The following ACOT11 variants were observed in gnomAD, a reference collection of about 807,000 sequenced individuals.
ACOT11 encodes the protein acyl-coenzyme A thioesterase 11.
Under a neutral mutation model 77.5 loss-of-function variants are expected in ACOT11, and 69 were observed. That is an observed-to-expected ratio of 0.89 (90% CI 0.73 to 1.09). The LOEUF (loss-of-function observed/expected upper bound fraction) is 1.09. Ranked by LOEUF, ACOT11 falls within the 50% of genes least tolerant of loss-of-function variation. The pLI is 0.00. For missense variants in ACOT11, 766 were observed against 813.7 expected, an observed-to-expected ratio of 0.94 and a Z score of 0.71; for synonymous variants, 279 against 313.0, an observed-to-expected ratio of 0.89 and a Z score of 1.15.
At chr1:54,575,079 G>A (rs1654060545) in intron 1 of ACOT11, among the ~76,000 whole-genome samples, 1 of 152,026 alleles carries the variant, frequency 6.6e-6, no homozygotes, top group South Asian at 2.1e-4. Context: ...GAGCCCCCTG[G>A]GGCTCAGTTT....
Position 54,594,051 on chromosome 1 carries a change from C to T in ACOT11, c.471+12C>T, listed in dbSNP as rs184760562. On this transcript the variant is annotated intron_variant, in intron 5 of 15. Transcript: ENST00000343744. ...GAGAGATCACCAAGGTAACTGGGTGCGCCTGGCTGCTGGAACGCTGCTCAG... is the reference window on the plus strand; with the variant it reads ...GAGAGATCACCAAGGTAACTGGGTGTGCCTGGCTGCTGGAACGCTGCTCAG... The T allele has an allele frequency of 2.4e-5, 39 of 1,608,752 alleles. No individual in the cohort carries two copies. Among genetic ancestry groups the T allele is most frequent in the African/African-American group, 6.7e-5 (5 of 74,878 alleles).
At position 54,609,249 on chromosome 1, in the gene ACOT11, G is replaced by GAGGTCCGCTGA. The variant is rs1557667502; in HGVS notation, c.*137_*138insAGGTCCGCTGA. 2.5e-6 allele frequency: 4 copies of GAGGTCCGCTGA among 1,593,726 alleles called. No individual in the cohort carries two copies. In the East Asian group the frequency reaches 9.0e-5, roughly 36 times the overall value. ...GAAGCCTCCGCCCTGAGGTCCGCTG[G>GAGGTCCGCTGA]CCCACCACCCCTGGGTGCTCAGTTT... is the stretch of plus-strand genomic sequence containing the variant. On this transcript the variant is annotated 3_prime_UTR_variant, in exon 16 of 16. Transcript: ENST00000343744.
At chr1:54,571,491 T>C (rs116075452) in intron 1 of ACOT11, among the ~76,000 whole-genome samples, 2,010 of 152,294 alleles carry the variant, frequency 0.013, 33 homozygotes, top group East Asian at 0.038. Flanking sequence ...TGAGCTCAGC[T>C]GCCTCTGCCA....
intron 4 of ACOT11, among the ~76,000 whole-genome samples, chr1:54,592,887 G>A (rs1169133591): frequency 6.6e-6 from 1 of 152,214 alleles, no homozygotes; most frequent in Non-Finnish European, 1.5e-5. Flanking sequence ...CCAGGCCCCT[G>A]AGTCTCACAT....
chr1:54,554,351 A>ATTTTTTTTT (rs35047110), intron 1 of ACOT11, among the ~76,000 whole-genome samples: 1 of 97,258 alleles, frequency 1.0e-5, no homozygotes, highest in African/African-American at 4.3e-5. Flanking sequence ...ATATATATAT[A>ATTTTTTTTT]TTTTTTTTTT....
Position 54,607,999 on chromosome 1 carries a change from A to G in ACOT11, c.1560A>G (p.Pro520=), listed in dbSNP as rs1644050082. ...CGCTGCCCACACACCGAGAGACGCC[A>G]GAGTACAGACGCGGAGAGACCCTCT... is the stretch of plus-strand genomic sequence containing the variant. ...SVTLPTHRET[P]EYRRGETLCS... The change falls in exon 15 of 16, where the codon CCA becomes CCG. Residue 520 remains proline, a synonymous_variant. Transcript: ENST00000343744. This position sits in a 1 kb window ranked among gnomAD's most constrained non-coding sequence, Gnocchi z 4.5. The G allele has an allele frequency of 6.2e-7, 1 of 1,613,340 alleles. No individual in the cohort carries two copies. The highest frequency in any genetic ancestry group is 1.3e-5 in the African/African-American group (1 of 74,674).
At chr1:54,567,209 A>G (rs1486472927) in intron 1 of ACOT11, among the ~76,000 whole-genome samples, 1 of 151,588 alleles carries the variant, frequency 6.6e-6, no homozygotes, top group Non-Finnish European at 1.5e-5. Flanking sequence ...CTCAGTAACC[A>G]GTACCACCAT....
intron 1 of ACOT11, among the ~76,000 whole-genome samples, chr1:54,572,435 C>T (rs1423889789): frequency 2.6e-5 from 4 of 152,116 alleles, no homozygotes; most frequent in African/African-American, 9.7e-5. Flanking sequence ...GGGCAGGGGT[C>T]TGAGGAGGGG....
rs1172793 is a variant in ACOT11, at chr1:54,584,293, C to G, written c.34-362C>G. Among the ~76,000 whole-genome samples the G allele has an allele frequency of 0.56, 47,796 of 85,774 alleles. 11,139 individuals carry two copies. Among genetic ancestry groups the G allele is most frequent in the African/African-American group, 0.72 (26,251 of 36,630 alleles). 56.3% of individuals were successfully genotyped at this position (85,774 alleles called of 152,430 possible). A position where few individuals can be genotyped will look rare whatever the true frequency, so the allele number is the denominator to read the frequency against. On this transcript the variant is annotated intron_variant, in intron 1 of 15. Coordinates refer to ENST00000343744, the MANE Select transcript of ACOT11 (RefSeq NM_147161.4). The surrounding 1 kb of genome is among the most constrained non-coding windows in gnomAD (Gnocchi z 6.3). ...CTCTAGGCCTCCCTGCATAGAGAGG[C>G]GACTCTTTCCAGAATGAACGTAAAT...
At position 54,609,882 on chromosome 1, in the gene ACOT11, C is replaced by T. The variant is rs772873187; in HGVS notation, c.*770C>T. 1.4e-5 allele frequency: 22 copies of T among 1,613,070 alleles called. No individual in the cohort carries two copies. The highest frequency in any genetic ancestry group is 8.0e-5 in the African/African-American group (6 of 74,930). Reference sequence around the variant, plus strand: ...CCACTTGGAGTATGAACAATGGGCACGGGGTTTTCAGCCACAGTTCCCTCG... The same window carrying T: ...CCACTTGGAGTATGAACAATGGGCATGGGGTTTTCAGCCACAGTTCCCTCG... On this transcript the variant is annotated 3_prime_UTR_variant, in exon 16 of 16. Coordinates refer to ENST00000343744, the MANE Select transcript of ACOT11 (RefSeq NM_147161.4).
downstream of ACOT11, chr1:54,610,643 A>G (rs1288809294): frequency 2.0e-6 from 3 of 1,537,750 alleles, no homozygotes; most frequent in Non-Finnish European, 1.8e-6. Flanking sequence ...CCACAGCTCT[A>G]CGGGCATCCT....
At chr1:54,620,129 C>T (rs1644215542) in intron 15 of ACOT11, 8 of 1,054,542 alleles carry the variant, frequency 7.6e-6, no homozygotes, top group Admixed American at 2.5e-5. Flanking sequence ...GGCAGAGGGA[C>T]GGTGAGGCTC....
chr1:54,586,054 T>C, intron 3 of ACOT11, 150 bp downstream of exon 3: 1 of 542,550 alleles, frequency 1.8e-6, no homozygotes, highest in Non-Finnish European at 2.9e-6. Flanking sequence ...TCTGGGGAAG[T>C]GTGAACCCCT....
chr1:54,573,542 G>A (rs1247903004), intron 1 of ACOT11, among the ~76,000 whole-genome samples: 1 of 152,152 alleles, frequency 6.6e-6, no homozygotes, highest in Non-Finnish European at 1.5e-5. Context: ...AGATCACCCT[G>A]GCCAACATGG....
intron 1 of ACOT11, among the ~76,000 whole-genome samples, chr1:54,578,816 TA>T (rs1283685945): frequency 6.6e-6 from 1 of 150,776 alleles, no homozygotes; most frequent in South Asian, 2.1e-4. Flanking sequence ...TTTTTACTTG[TA>T]AAAATAAAAT....
Position 54,609,315 on chromosome 1 carries a change from G to A in ACOT11, c.*203G>A, listed in dbSNP as rs1177278532. 6.2e-7 allele frequency: 1 copy of A among 1,612,574 alleles called. No homozygotes were observed. The highest frequency in any genetic ancestry group is 8.5e-7 in the Non-Finnish European group (1 of 1,178,902). Reference sequence around the variant, plus strand: ...AGCAAGTCCTTGTGGTAGCCCTGGGGTAGCCTGTAGTAGACTCGGGTCCTG... The same window carrying A: ...AGCAAGTCCTTGTGGTAGCCCTGGGATAGCCTGTAGTAGACTCGGGTCCTG... On this transcript the variant is annotated 3_prime_UTR_variant, in exon 16 of 16. Coordinates refer to ENST00000343744, the MANE Select transcript of ACOT11 (RefSeq NM_147161.4).
rs754257162 is a variant in ACOT11, at chr1:54,609,244, C to T, written c.*132C>T. On this transcript the variant is annotated 3_prime_UTR_variant, in exon 16 of 16. Coordinates refer to ENST00000343744, the MANE Select transcript of ACOT11 (RefSeq NM_147161.4). ...CGTGGGAAGCCTCCGCCCTGAGGTC[C>T]GCTGGCCCACCACCCCTGGGTGCTC... 2.1e-5 allele frequency: 34 copies of T among 1,593,476 alleles called. No individual in the cohort carries two copies. Among genetic ancestry groups the T allele is most frequent in the East Asian group, 6.7e-5 (3 of 44,634 alleles).
At chr1:54,598,564 A>T (rs558417457) in intron 7 of ACOT11, 1 of 152,256 alleles carries the variant, frequency 6.6e-6, no homozygotes, top group Non-Finnish European at 1.5e-5. Context: ...AGGCTGGCCC[A>T]AGCTGGCCTA....
exon 17 of ACOT11, chr1:54,637,006 GAATTTTTCTTAATACAGAAC>G (rs1644335085): frequency 1.9e-5 from 3 of 155,720 alleles, no homozygotes; most frequent in Admixed American, 1.3e-4. Context: ...CAAGGCAGAA[GAATTTTTCTTAATACAGAAC>G]AAAATGGAGT....
Sources: gnomAD v4.1 joint callset for allele counts (sites outside exome capture counted in the v4.1 genomes callset) on GRCh38, gnomAD v4.1.1 for gene constraint, Gnocchi (gnomAD v3.1) non-coding constraint, MANE v1.5 for transcripts, NCBI Gene and HGNC (gene_info 2026-07-23, HGNC 2026-07-21) for gene names.